The following TNNI3K variants were observed in gnomAD, a reference collection of about 807,000 sequenced individuals.
TNNI3K encodes TNNI3 interacting kinase, also known as serine/threonine-protein kinase TNNI3K.
A neutral mutation model predicts 114.5 loss-of-function variants in TNNI3K; 140 were observed. The observed-to-expected ratio is 1.22, with a 90% CI of 1.07 to 1.41. The LOEUF is 1.41. Ranked by LOEUF, TNNI3K falls within the 40% of genes most tolerant of loss-of-function variation. The pLI is 0.00. For missense variants in TNNI3K, 1,125 were observed against 1,007.6 expected, an observed-to-expected ratio of 1.12 and a Z score of -1.58; for synonymous variants, 347 against 347.5, an observed-to-expected ratio of 1.00 and a Z score of 0.02.
chr1:74,508,069 T>C (rs543984074), intron 23 of TNNI3K, among the ~76,000 whole-genome samples: 33 of 152,314 alleles, frequency 2.2e-4, no homozygotes, highest in South Asian at 8.3e-4. Flanking sequence ...ACGACTCTAG[T>C]GTATTCTAAC....
intron 20 of TNNI3K, among the ~76,000 whole-genome samples, chr1:74,456,981 C>T (rs954999200): frequency 1.3e-5 from 2 of 152,126 alleles, no homozygotes; most frequent in African/African-American, 4.8e-5. Context: ...TACTACCCCT[C>T]CTTAAATATT....
intron 5 of TNNI3K, among the ~76,000 whole-genome samples, chr1:74,273,009 T>C (rs1656447660): frequency 6.6e-6 from 1 of 151,874 alleles, no homozygotes; most frequent in South Asian, 2.1e-4. Context: ...TGTTCCCCCT[T>C]TTAGTCATGT....
intron 5 of TNNI3K, among the ~76,000 whole-genome samples, chr1:74,310,121 C>A (rs966944992): frequency 2.8e-4 from 42 of 152,108 alleles, no homozygotes; most frequent in Non-Finnish European, 5.3e-4. Context: ...TTTCAGGATA[C>A]AAAACTAACA....
intron 17 of TNNI3K, among the ~76,000 whole-genome samples, chr1:74,426,711 A>G (rs965369187): frequency 2.6e-5 from 4 of 151,932 alleles, no homozygotes; most frequent in Non-Finnish European, 4.4e-5. Flanking sequence ...CAGACCTTTT[A>G]TGTCTGGATG....
chr1:74,369,536 C>G lies in TNNI3K; in HGVS notation c.1618C>G (p.Gln540Glu). The change falls in exon 16 of 25, where the codon CAA becomes GAA. Residue 540 changes from glutamine to glutamate, a missense_variant. Physicochemically the swap from Gln to Glu is conservative, Grantham distance 29 (BLOSUM62 2). Coordinates refer to ENST00000326637, the MANE Select transcript of TNNI3K (RefSeq NM_015978.3). ...NDPSQFAIVTQYISGGSLFSL... is the reference protein window; with the variant it reads ...NDPSQFAIVTEYISGGSLFSL... Reference sequence around the variant, plus strand: ...TCCCAGCCAGTTTGCCATTGTCACTCAATACATATCAGGGGGTTCTCTGTT... The same window carrying G: ...TCCCAGCCAGTTTGCCATTGTCACTGAATACATATCAGGGGGTTCTCTGTT... The G allele has an allele frequency of 6.2e-7, 1 of 1,612,368 alleles. No individual in the cohort carries two copies. The highest frequency in any genetic ancestry group is 1.1e-5 in the South Asian group (1 of 90,966).
At chr1:74,280,335 T>G (rs1323950211) in intron 5 of TNNI3K, among the ~76,000 whole-genome samples, 1 of 151,154 alleles carries the variant, frequency 6.6e-6, no homozygotes, top group Non-Finnish European at 1.5e-5. Context: ...TGAGCAGAGA[T>G]CGTGCCACTG....
chr1:74,307,506 A>T (rs1260037721), intron 5 of TNNI3K, among the ~76,000 whole-genome samples: 1 of 152,186 alleles, frequency 6.6e-6, no homozygotes, highest in Admixed American at 6.5e-5. Flanking sequence ...ATATAAAACA[A>T]ATTTTAAACC....
chr1:74,413,945 A>C (rs1297744572), intron 17 of TNNI3K, among the ~76,000 whole-genome samples: 1 of 152,162 alleles, frequency 6.6e-6, no homozygotes, highest in Non-Finnish European at 1.5e-5. Flanking sequence ...CATATCATGC[A>C]TTGGATTTCA....
At chr1:74,405,457 T>A (rs898671061) in intron 17 of TNNI3K, among the ~76,000 whole-genome samples, 2 of 152,150 alleles carry the variant, frequency 1.3e-5, no homozygotes, top group Non-Finnish European at 2.9e-5. Flanking sequence ...TAAACTAGTC[T>A]TAGGTGATAA....
intron 3 of TNNI3K, 94 bp downstream of exon 3, chr1:74,249,638 C>A: frequency 8.1e-7 from 1 of 1,239,240 alleles, no homozygotes; most frequent in Non-Finnish European, 1.1e-6. Flanking sequence ...GAATTCTATT[C>A]ATACTCAATT....
intron 17 of TNNI3K, among the ~76,000 whole-genome samples, chr1:74,423,189 C>T (rs1186165153): frequency 6.6e-6 from 1 of 150,794 alleles, no homozygotes; most frequent in Non-Finnish European, 1.5e-5. Context: ...CCCACAGGTA[C>T]ACACCTCACC....
intron 17 of TNNI3K, among the ~76,000 whole-genome samples, chr1:74,400,789 A>C (rs1328153952): frequency 6.6e-6 from 1 of 152,330 alleles, no homozygotes; most frequent in South Asian, 2.1e-4. Context: ...TTGACTCTTC[A>C]TGTACCCCAG....
chr1:74,412,131 CTT>C (rs1664909004), intron 17 of TNNI3K, among the ~76,000 whole-genome samples: 2 of 152,162 alleles, frequency 1.3e-5, no homozygotes, highest in South Asian at 4.1e-4. Context: ...TTGGATGGCT[CTT>C]TGTCATAACA....
chr1:74,407,505 A>G (rs1314277774), intron 17 of TNNI3K, among the ~76,000 whole-genome samples: 2 of 152,190 alleles, frequency 1.3e-5, no homozygotes, highest in Admixed American at 1.3e-4. Context: ...AAAGATTTGC[A>G]TTTGGCACAG....
chr1:74,437,035 G>A (rs1241505983), intron 19 of TNNI3K, among the ~76,000 whole-genome samples: 2 of 151,860 alleles, frequency 1.3e-5, no homozygotes, highest in African/African-American at 4.8e-5. Flanking sequence ...TTCATTACCT[G>A]CCCTCTCCTT....
chr1:74,488,649 T>A (rs1668887657), intron 21 of TNNI3K, among the ~76,000 whole-genome samples: 1 of 152,184 alleles, frequency 6.6e-6, no homozygotes, highest in African/African-American at 2.4e-5. Flanking sequence ...ACACAGAGGT[T>A]CATAATGGGC....
intron 5 of TNNI3K, among the ~76,000 whole-genome samples, chr1:74,308,331 A>G (rs1658776419): frequency 1.3e-5 from 2 of 152,164 alleles, no homozygotes; most frequent in Admixed American, 6.5e-5. Context: ...CCACAGAGGA[A>G]CAAAATTAGA....
At chr1:74,295,176 T>A (rs900512802) in intron 5 of TNNI3K, among the ~76,000 whole-genome samples, 2 of 3,072 alleles carry the variant, frequency 6.5e-4, no homozygotes, top group Admixed American at 0.014. Flanking sequence ...CAGTTACTAA[T>A]TATTTTTTTA....
chr1:74,273,244 T>G (rs1005069498), intron 5 of TNNI3K, among the ~76,000 whole-genome samples: 1 of 151,942 alleles, frequency 6.6e-6, no homozygotes, highest in Non-Finnish European at 1.5e-5. Context: ...CCTTTCCATA[T>G]CACCTTATTT....
Sources: gnomAD v4.1 joint callset for allele counts (sites outside exome capture counted in the v4.1 genomes callset) on GRCh38, gnomAD v4.1.1 for gene constraint, MANE v1.5 for transcripts, NCBI Gene and HGNC (gene_info 2026-07-23, HGNC 2026-07-21) for gene names.